Variants in SHTN1 observed in about 807,000 individuals in gnomAD.
SHTN1 encodes the protein shootin 1.
A neutral mutation model predicts 83.1 loss-of-function variants in SHTN1; 42 were observed. The ratio of observed to expected loss-of-function variants is 0.51; its 90% CI spans 0.39 to 0.65. The LOEUF (loss-of-function observed/expected upper bound fraction) is 0.65, where lower values mean the gene tolerates loss of function less well. SHTN1 is among the 30% of genes least tolerant of loss of function. The probability of loss-of-function intolerance (pLI) is 0.00; values close to 1 mark genes in which losing one functional copy is unlikely to be tolerated. For missense variants in SHTN1, 622 were observed against 737.8 expected (o/e 0.84, Z 1.82); for synonymous variants, 224 against 247.7 (o/e 0.90, Z 0.90).
At chr10:116,893,765 CTAAAT>C (rs1461091582) in intron 16 of SHTN1, among the ~76,000 whole-genome samples, 1 of 152,122 alleles carries the variant, frequency 6.6e-6, no homozygotes, top group East Asian at 1.9e-4. Context: ...ATATGGCCAA[CTAAAT>C]TAATTTCCAG....
intron 2 of SHTN1, among the ~76,000 whole-genome samples, chr10:117,020,046 A>G (rs945557963): frequency 6.6e-6 from 1 of 152,154 alleles, no homozygotes; most frequent in African/African-American, 2.4e-5. Flanking sequence ...TGGTTCTAAA[A>G]TGTATGGCAA....
intron 2 of SHTN1, among the ~76,000 whole-genome samples, chr10:117,028,901 C>CACTG (rs902364425): frequency 2.6e-5 from 4 of 152,194 alleles, no homozygotes; most frequent in African/African-American, 9.6e-5. Context: ...GCAGAGCCCC[C>CACTG]ACTGAGGCAC....
At chr10:116,911,362 G>A in intron 14 of SHTN1, 1 of 1,163,146 alleles carries the variant, frequency 8.6e-7, no homozygotes, top group East Asian at 2.6e-5. Flanking sequence ...GGCAGACTGT[G>A]ACCCTGATAT....
Position 116,915,453 on chromosome 10 carries a change from T to C in SHTN1, c.1227A>G (p.Ala409=). The change falls in exon 13 of 17, where the codon GCA becomes GCG. Residue 409 remains alanine (A), a synonymous_variant. Transcript: ENST00000355371. The part of the protein sequence containing the change: ...TEEVTDLKRQ[A]VEEMMDRIKK... ...TAATTCTATCCATCATCTCTTCAAC[T>C]GCTTGCCTCTTTAGATCTGTGACTT... The C allele has an allele frequency of 1.2e-6, 2 of 1,609,620 alleles. No homozygotes were observed. Among genetic ancestry groups the C allele is most frequent in the Non-Finnish European group, 1.7e-6 (2 of 1,175,998 alleles).
At chr10:117,062,597 C>A (rs892970342) in intron 1 of SHTN1, among the ~76,000 whole-genome samples, 1 of 152,104 alleles carries the variant, frequency 6.6e-6, no homozygotes, top group African/African-American at 2.4e-5. Flanking sequence ...CTCTAAAATG[C>A]ACATAATAAT....
chr10:116,904,931 G>A (rs961494156), intron 15 of SHTN1, among the ~76,000 whole-genome samples: 2 of 151,944 alleles, frequency 1.3e-5, no homozygotes, highest in Admixed American at 6.5e-5. Flanking sequence ...GCCGGGCGCG[G>A]TGGCTCACGC....
chr10:117,077,929 T>G (rs1853184798), intron 1 of SHTN1, among the ~76,000 whole-genome samples: 1 of 152,226 alleles, frequency 6.6e-6, no homozygotes, highest in African/African-American at 2.4e-5. Flanking sequence ...TAACTCATTT[T>G]AAGAAGAGAC....
chr10:116,896,921 C>T (rs892301687), intron 16 of SHTN1, among the ~76,000 whole-genome samples: 7 of 152,022 alleles, frequency 4.6e-5, no homozygotes, highest in Non-Finnish European at 8.8e-5. Flanking sequence ...ATTCTCCTGC[C>T]TCAGCCTCCT....
chr10:116,889,955 C>T (rs530457301), intron 16 of SHTN1, among the ~76,000 whole-genome samples: 204 of 152,292 alleles, frequency 1.3e-3, no homozygotes, highest in Middle Eastern at 3.4e-3. Context: ...TCCTTTCTTT[C>T]TCCTAGGCCT....
intron 1 of SHTN1, among the ~76,000 whole-genome samples, chr10:116,996,797 T>A (rs1429573765): frequency 1.3e-5 from 2 of 152,200 alleles, no homozygotes; most frequent in Non-Finnish European, 2.9e-5. Flanking sequence ...CTCAATAAGA[T>A]ATGAGACAAT....
At chr10:117,057,260 G>T (rs977121993) in intron 1 of SHTN1, among the ~76,000 whole-genome samples, 2 of 152,132 alleles carry the variant, frequency 1.3e-5, no homozygotes, top group South Asian at 2.1e-4. Context: ...GTTAATTTTG[G>T]TGAATTTCAG....
At chr10:116,888,536 C>A (rs1032860989) in intron 16 of SHTN1, among the ~76,000 whole-genome samples, 6 of 152,172 alleles carry the variant, frequency 3.9e-5, no homozygotes, top group Admixed American at 3.9e-4. Context: ...TGGGGACAAA[C>A]TAGAGCTGCA....
intron 13 of SHTN1, among the ~76,000 whole-genome samples, chr10:116,913,593 C>G (rs1475840299): frequency 6.6e-6 from 1 of 152,122 alleles, no homozygotes; most frequent in East Asian, 1.9e-4. Flanking sequence ...CAACTTTTTT[C>G]TTTCTAAAAC....
chr10:117,002,566 C>T (rs997573046), intron 1 of SHTN1, among the ~76,000 whole-genome samples: 10 of 152,140 alleles, frequency 6.6e-5, no homozygotes, highest in Non-Finnish European at 1.5e-4. Context: ...AACCATGCAA[C>T]CATCAGCTTA....
chr10:116,957,206 A>G (rs185780446), intron 4 of SHTN1, among the ~76,000 whole-genome samples: 5 of 92,062 alleles, frequency 5.4e-5, no homozygotes, highest in African/African-American at 1.0e-4. Context: ...ATTGCATGCT[A>G]CTTGTTGTTT....
chr10:116,997,150 A>G (rs1479614087), intron 1 of SHTN1, among the ~76,000 whole-genome samples: 1 of 152,218 alleles, frequency 6.6e-6, no homozygotes, highest in Non-Finnish European at 1.5e-5. Flanking sequence ...ATATCACCTC[A>G]GAGATGGTGG....
intron 2 of SHTN1, among the ~76,000 whole-genome samples, chr10:117,034,644 A>G (rs1404477826): frequency 6.6e-6 from 1 of 152,174 alleles, no homozygotes; most frequent in African/African-American, 2.4e-5. Context: ...CCATCTTAAA[A>G]AAAAAAAAAT....
At chr10:116,912,543 CTGGCCA>C (rs1848239840) in intron 13 of SHTN1, among the ~76,000 whole-genome samples, 1 of 152,336 alleles carries the variant, frequency 6.6e-6, no homozygotes, top group East Asian at 1.9e-4. Flanking sequence ...CAGCTCTCTT[CTGGCCA>C]TACCATGGAC....
chr10:117,017,446 A>G (rs866826059), intron 2 of SHTN1, among the ~76,000 whole-genome samples: 3 of 148,586 alleles, frequency 2.0e-5, no homozygotes, highest in African/African-American at 2.5e-5. Context: ...AGCCGAGATC[A>G]CGCCACTGCA....
Sources: allele counts gnomAD v4.1 joint callset (sites outside exome capture counted in the v4.1 genomes callset), GRCh38; gene constraint gnomAD v4.1.1; transcripts MANE v1.5; gene names NCBI Gene and HGNC (gene_info 2026-07-23, HGNC 2026-07-21).